Variants in CCDC178 observed in about 807,000 individuals in gnomAD.
CCDC178 encodes the protein coiled-coil domain containing 178, also known as coiled-coil domain-containing protein 178.
Under a neutral mutation model 117.4 loss-of-function variants are expected in CCDC178, and 126 were observed. That is an observed-to-expected ratio of 1.07 (90% CI 0.93 to 1.24). The LOEUF (loss-of-function observed/expected upper bound fraction) is 1.24. CCDC178 is among the 50% of genes most tolerant of loss of function. CCDC178 has a pLI of 0.00. For missense variants in CCDC178, 1,030 were observed against 986.9 expected (o/e 1.04, Z -0.59); for synonymous variants, 283 against 313.4 (o/e 0.90, Z 1.02).
chr18:32,979,905 C>T (rs2055111992), intron 21 of CCDC178, among the ~76,000 whole-genome samples: 1 of 152,116 alleles, frequency 6.6e-6, no homozygotes, highest in African/African-American at 2.4e-5. Context: ...GAGTAACAGA[C>T]ACATGCATAT....
chr18:33,274,901 A>C (rs2059929507), intron 12 of CCDC178, among the ~76,000 whole-genome samples: 1 of 152,088 alleles, frequency 6.6e-6, no homozygotes, highest in Admixed American at 6.6e-5. Context: ...GCAATCTGCA[A>C]CTTTTGGATA....
chr18:33,172,985 T>C (rs574819038), intron 20 of CCDC178, among the ~76,000 whole-genome samples: 2 of 152,214 alleles, frequency 1.3e-5, no homozygotes, highest in Non-Finnish European at 2.9e-5. Flanking sequence ...ATGGTCATTA[T>C]GTACAGCTCT....
At chr18:33,334,393 AG>A (rs2062712202) in intron 9 of CCDC178, among the ~76,000 whole-genome samples, 1 of 152,044 alleles carries the variant, frequency 6.6e-6, no homozygotes. Flanking sequence ...TTTTAAGCAC[AG>A]GGATTTCCTT....
chr18:33,315,454 A>G (rs2062402239), intron 11 of CCDC178, among the ~76,000 whole-genome samples: 1 of 152,132 alleles, frequency 6.6e-6, no homozygotes. Context: ...CCCGGTTTCT[A>G]CCCTTCCTGA....
At chr18:33,292,925 A>G (rs543380990) in intron 12 of CCDC178, among the ~76,000 whole-genome samples, 3 of 152,138 alleles carry the variant, frequency 2.0e-5, no homozygotes, top group South Asian at 4.1e-4. Flanking sequence ...CAACCACTTG[A>G]GCCATGCTGT....
chr18:33,065,149 CA>C (rs1567966052), intron 21 of CCDC178, among the ~76,000 whole-genome samples: 2 of 151,772 alleles, frequency 1.3e-5, no homozygotes, highest in African/African-American at 2.4e-5. Flanking sequence ...TAGAAAGTAG[CA>C]ATTAGATAGA....
At chr18:32,980,556 A>G (rs1176735960) in intron 21 of CCDC178, among the ~76,000 whole-genome samples, 8 of 134,728 alleles carry the variant, frequency 5.9e-5, no homozygotes, top group Admixed American at 1.6e-4. Flanking sequence ...GGGCGACAGA[A>G]CGAGACTCCG....
intron 11 of CCDC178, among the ~76,000 whole-genome samples, chr18:33,296,753 C>T (rs199737376): frequency 2.6e-5 from 4 of 152,042 alleles, no homozygotes; most frequent in South Asian, 2.1e-4. Flanking sequence ...TTGGGCCAGG[C>T]GTGGTGGCTC....
chr18:32,977,192 T>C (rs1342858979), intron 21 of CCDC178, among the ~76,000 whole-genome samples: 1 of 152,162 alleles, frequency 6.6e-6, no homozygotes, highest in Non-Finnish European at 1.5e-5. Context: ...AGAGGTTAAC[T>C]TGCTTTAGGT....
intron 20 of CCDC178, among the ~76,000 whole-genome samples, chr18:33,193,264 C>CAAAAAAAAAAA (rs59092607): frequency 2.6e-5 from 2 of 77,152 alleles, no homozygotes; most frequent in Admixed American, 2.1e-4. Flanking sequence ...CTCCGTCTCA[C>CAAAAAAAAAAA]AAAAAAAAAA....
rs1452462910 is a variant in CCDC178 at position 33,151,125 on chromosome 18, T to C, written c.2239-58215A>G. Among the ~76,000 whole-genome samples, 5 of 152,272 alleles carry C rather than the reference T, an allele frequency of 3.3e-5. No individual in the cohort carries two copies. The East Asian group carries it at 9.6e-4, about 29-fold the overall frequency. ...GAAGAGGGTGAGAGATAAAAGACTA[T>C]GTATTGAGTACAGTGTACACTGCTT... On this transcript the variant is annotated intron_variant, in intron 20 of 22. Transcript: ENST00000383096.
intron 21 of CCDC178, among the ~76,000 whole-genome samples, chr18:33,003,648 T>C (rs947547819): frequency 1.3e-5 from 2 of 152,072 alleles, no homozygotes; most frequent in African/African-American, 4.8e-5. Flanking sequence ...TCTTTCACCA[T>C]AGTTATTCAA....
chr18:33,158,533 G>A, intron 20 of CCDC178, among the ~76,000 whole-genome samples: 1 of 151,810 alleles, frequency 6.6e-6, no homozygotes, highest in East Asian at 1.9e-4. Flanking sequence ...ATTTAAAAAG[G>A]GAAAATTTTA....
intron 20 of CCDC178, among the ~76,000 whole-genome samples, chr18:33,193,171 G>A (rs1304804120): frequency 1.4e-5 from 2 of 143,694 alleles, no homozygotes; most frequent in Non-Finnish European, 3.0e-5. Flanking sequence ...GCTGAGGCAG[G>A]AGAATGGCGT....
At chr18:33,380,282 C>T (rs563136010) in intron 5 of CCDC178, among the ~76,000 whole-genome samples, 2 of 152,298 alleles carry the variant, frequency 1.3e-5, no homozygotes, top group Admixed American at 6.5e-5. Context: ...AAGCACTTTC[C>T]ACATTTCTGG....
intron 21 of CCDC178, among the ~76,000 whole-genome samples, chr18:33,083,595 G>A (rs116435796): frequency 6.6e-6 from 1 of 151,908 alleles, no homozygotes; most frequent in African/African-American, 2.4e-5. Context: ...TTATCAACTT[G>A]CTTTGTATTT....
chr18:33,224,744 A>C (rs768165219), intron 17 of CCDC178, 31 bp downstream of exon 17: 2 of 1,341,266 alleles, frequency 1.5e-6, no homozygotes, highest in Non-Finnish European at 1.0e-6. Context: ...ATATTTCTGC[A>C]CATTAATTTT....
At chr18:33,324,804 CCTTTAT>C (rs890613587) in intron 10 of CCDC178, among the ~76,000 whole-genome samples, 2 of 151,544 alleles carry the variant, frequency 1.3e-5, no homozygotes, top group Non-Finnish European at 3.0e-5. Context: ...AATGTCTATA[CCTTTAT>C]AAGTTTCTTC....
At chr18:33,107,422 C>T (rs1029912455) in intron 20 of CCDC178, among the ~76,000 whole-genome samples, 3 of 151,564 alleles carry the variant, frequency 2.0e-5, no homozygotes, top group African/African-American at 7.3e-5. Context: ...TCCGGAAAGA[C>T]ACAATCCCAA....
Sources: gnomAD v4.1 joint callset for allele counts (sites outside exome capture counted in the v4.1 genomes callset) on GRCh38, gnomAD v4.1.1 for gene constraint, MANE v1.5 for transcripts, NCBI Gene and HGNC (gene_info 2026-07-23, HGNC 2026-07-21) for gene names.